The following GPHN variants were observed in gnomAD, a reference collection of about 807,000 sequenced individuals.
GPHN encodes gephyrin.
A neutral mutation model predicts 95.5 loss-of-function variants in GPHN; 17 were observed. That is an observed-to-expected ratio of 0.18 (90% CI 0.12 to 0.27). The LOEUF (loss-of-function observed/expected upper bound fraction) is 0.27. GPHN is among the 10% of genes least tolerant of loss of function. The pLI is 1.00. For missense variants in GPHN, 660 were observed against 978.1 expected, an observed-to-expected ratio of 0.67 and a Z score of 4.34; for synonymous variants, 320 against 322.5, an observed-to-expected ratio of 0.99 and a Z score of 0.08.
At chr14:67,093,239 A>C (rs2077212380) in intron 12 of GPHN, among the ~76,000 whole-genome samples, 2 of 152,080 alleles carry the variant, frequency 1.3e-5, no homozygotes, top group African/African-American at 2.4e-5. Flanking sequence ...TGAAAAATGC[A>C]AAAATAATGA....
the GPHN span, among the ~76,000 whole-genome samples, chr14:67,491,368 G>T: frequency 1.3e-5 from 2 of 152,122 alleles, no homozygotes; most frequent in South Asian, 4.1e-4. Flanking sequence ...AGGTTGGAGG[G>T]TGAGGCCAAA....
At chr14:66,977,151 G>A (rs1483444234) in intron 9 of GPHN, among the ~76,000 whole-genome samples, 2 of 152,066 alleles carry the variant, frequency 1.3e-5, no homozygotes, top group Non-Finnish European at 2.9e-5. Flanking sequence ...GTATATACAG[G>A]CCGGGCGCGG....
At chr14:67,195,316 CCTCT>C in the GPHN span, among the ~76,000 whole-genome samples, 1 of 152,138 alleles carries the variant, frequency 6.6e-6, no homozygotes, top group Non-Finnish European at 1.5e-5. Flanking sequence ...TTTCCTCCTC[CCTCT>C]CTGTGTCCTG....
chr14:66,796,062 C>T (rs1427858040), intron 3 of GPHN, among the ~76,000 whole-genome samples: 1 of 152,114 alleles, frequency 6.6e-6, no homozygotes, highest in Non-Finnish European at 1.5e-5. Flanking sequence ...ATTTTTAGAT[C>T]CCACTAGTAA....
At chr14:67,359,766 C>T in the GPHN span, 1 of 1,578,562 alleles carries the variant, frequency 6.3e-7, no homozygotes, top group Non-Finnish European at 8.7e-7. Context: ...CCAGAACTGG[C>T]CTCCACAGTG....
chr14:66,845,857 GTGTC>G (rs776789855), intron 4 of GPHN, among the ~76,000 whole-genome samples: 3,181 of 147,370 alleles, frequency 0.022, 41 homozygotes, highest in Non-Finnish European at 0.034. Context: ...GTGTGTGTGT[GTGTC>G]TGTGTGCGTG....
chr14:67,383,603 A>G, the GPHN span: 2 of 1,007,584 alleles, frequency 2.0e-6, no homozygotes, highest in Admixed American at 4.3e-5. Flanking sequence ...ATGCCCTCCT[A>G]AATGTCAGCT....
chr14:66,664,141 T>A (rs2065813065), intron 1 of GPHN, among the ~76,000 whole-genome samples: 1 of 152,180 alleles, frequency 6.6e-6, no homozygotes, highest in African/African-American at 2.4e-5. Context: ...GATATATATC[T>A]ACAGAACTCT....
intron 1 of GPHN, among the ~76,000 whole-genome samples, chr14:66,600,402 G>A (rs889800531): frequency 2.0e-5 from 3 of 152,086 alleles, no homozygotes; most frequent in Non-Finnish European, 4.4e-5. Context: ...CTCACTGCTT[G>A]AAGTAGATTT....
At chr14:67,034,218 C>A (rs1038403649) in intron 10 of GPHN, among the ~76,000 whole-genome samples, 1 of 152,010 alleles carries the variant, frequency 6.6e-6, no homozygotes, top group Non-Finnish European at 1.5e-5. Context: ...TCACATGTAA[C>A]ACTGTGGGGA....
At chr14:67,014,817 A>G (rs924674421) in intron 9 of GPHN, among the ~76,000 whole-genome samples, 2 of 152,202 alleles carry the variant, frequency 1.3e-5, no homozygotes, top group Non-Finnish European at 2.9e-5. Context: ...TAATTTGGGT[A>G]GTAATTTTTC....
intron 9 of GPHN, among the ~76,000 whole-genome samples, chr14:66,984,179 C>A (rs906762377): frequency 6.6e-6 from 1 of 152,096 alleles, no homozygotes; most frequent in Non-Finnish European, 1.5e-5. Context: ...AGGAATCTAC[C>A]AACTCTACCT....
chr14:67,366,713 C>CAA, the GPHN span, among the ~76,000 whole-genome samples: 2 of 152,134 alleles, frequency 1.3e-5, no homozygotes, highest in African/African-American at 2.4e-5. Flanking sequence ...TCCTCCTAGA[C>CAA]AAGCCTTTCA....
intron 11 of GPHN, among the ~76,000 whole-genome samples, chr14:67,069,006 A>T (rs770043117): frequency 1.5e-4 from 23 of 152,146 alleles, no homozygotes; most frequent in Non-Finnish European, 2.6e-4. Context: ...CTGTTAGAGA[A>T]TAAGGGAAAA....
intron 2 of GPHN, among the ~76,000 whole-genome samples, chr14:66,770,188 T>C (rs1307402274): frequency 2.0e-5 from 3 of 152,188 alleles, no homozygotes; most frequent in Non-Finnish European, 2.9e-5. Context: ...CATTTTCTTC[T>C]TGTACATTTG....
At chr14:67,656,455 CA>C in the GPHN span, 1 of 1,613,566 alleles carries the variant, frequency 6.2e-7, no homozygotes, top group Non-Finnish European at 8.5e-7. Flanking sequence ...GTTGTTCCCC[CA>C]GCTCTTCTAT....
At chr14:67,709,854 G>T in the GPHN span, among the ~76,000 whole-genome samples, 1 of 152,030 alleles carries the variant, frequency 6.6e-6, no homozygotes, top group Non-Finnish European at 1.5e-5. Context: ...GAAATATCTT[G>T]GGCCCCCAAA....
chr14:66,709,913 C>T (rs2069452943), intron 2 of GPHN, among the ~76,000 whole-genome samples: 1 of 148,614 alleles, frequency 6.7e-6, no homozygotes, highest in South Asian at 2.1e-4. Context: ...ATTGCAGGAA[C>T]AAAGTTGATG....
the GPHN span, chr14:67,301,894 T>G: frequency 1.1e-5 from 15 of 1,423,760 alleles, no homozygotes; most frequent in Non-Finnish European, 1.4e-5. Context: ...GTCAGAATAC[T>G]ATGTACATAG....
Sources: allele counts gnomAD v4.1 joint callset (sites outside exome capture counted in the v4.1 genomes callset), GRCh38; gene constraint gnomAD v4.1.1; transcripts MANE v1.5; gene names NCBI Gene and HGNC (gene_info 2026-07-23, HGNC 2026-07-21).